The following CLIC5 variants were observed in gnomAD, a reference collection of about 807,000 sequenced individuals.
CLIC5 encodes the protein chloride intracellular channel protein 5.
Under a neutral mutation model 24.7 loss-of-function variants are expected in CLIC5, and 20 were observed. The ratio of observed to expected loss-of-function variants is 0.81; its 90% CI spans 0.57 to 1.18. The LOEUF is 1.18. Among genes scored for constraint, CLIC5 ranks in the 50% most tolerant of loss-of-function variants. The pLI is 0.00. For missense variants in CLIC5, 341 were observed against 326.1 expected, an observed-to-expected ratio of 1.05 and a Z score of -0.35; for synonymous variants, 159 against 135.6, an observed-to-expected ratio of 1.17 and a Z score of -1.20.
chr6:45,888,548 G>A (rs1228096223), intron 6 of CLIC5, among the ~76,000 whole-genome samples: 1 of 152,136 alleles, frequency 6.6e-6, no homozygotes, highest in Non-Finnish European at 1.5e-5. Flanking sequence ...TGCTTCAAAA[G>A]CCTAAAGATG....
rs528288740 is a variant in CLIC5 at position 46,040,594 on chromosome 6, G to A, written c.540+39109C>T. 3.3e-5 allele frequency among the ~76,000 whole-genome samples: 5 copies of A among 152,032 alleles called. No homozygotes were observed. In the East Asian group the frequency reaches 7.7e-4, roughly 23 times the overall value. On this transcript the variant is annotated intron_variant, in intron 1 of 5. Transcript: ENST00000185206. ...TGATGGTGGGGTGGTGGTGGTGTTC[G>A]TGAAGTTGATGATGGTGGTGGTGGA...
intron 1 of CLIC5, among the ~76,000 whole-genome samples, chr6:46,052,474 T>C (rs1236819679): frequency 6.6e-6 from 1 of 152,130 alleles, no homozygotes; most frequent in African/African-American, 2.4e-5. Flanking sequence ...AGAGAGAAGA[T>C]AGGTAGGAAA....
chr6:45,884,969 G>GTTTTGTTT (rs1762292414), intron 6 of CLIC5, among the ~76,000 whole-genome samples: 1 of 150,438 alleles, frequency 6.6e-6, no homozygotes, highest in African/African-American at 2.5e-5. Context: ...CAGGAAATAG[G>GTTTTGTTT]TTTTTTAAAA....
intron 1 of CLIC5, among the ~76,000 whole-genome samples, chr6:46,065,833 T>G (rs985318040): frequency 1.3e-5 from 2 of 152,052 alleles, no homozygotes; most frequent in African/African-American, 2.4e-5. Context: ...ATGATTATGG[T>G]GATGGTTAGA....
At chr6:46,039,128 T>C (rs1767739310) in intron 1 of CLIC5, among the ~76,000 whole-genome samples, 1 of 152,192 alleles carries the variant, frequency 6.6e-6, no homozygotes, top group African/African-American at 2.4e-5. Flanking sequence ...AACAAAACTC[T>C]CTGTTCTTAC....
chr6:45,936,196 CTT>C (rs60969238), intron 4 of CLIC5, among the ~76,000 whole-genome samples: 5,030 of 79,892 alleles, frequency 0.063, 95 homozygotes, highest in East Asian at 0.29. Context: ...CAACGGCTGA[CTT>C]TTTTTTTTTT....
intron 1 of CLIC5, among the ~76,000 whole-genome samples, chr6:46,065,214 A>G (rs928345049): frequency 6.6e-6 from 1 of 152,130 alleles, no homozygotes; most frequent in Non-Finnish European, 1.5e-5. Flanking sequence ...TAAAGCTACA[A>G]TTTAGTGAAA....
upstream of CLIC5, among the ~76,000 whole-genome samples, chr6:46,017,414 T>A (rs573540716): frequency 6.6e-6 from 1 of 152,226 alleles, no homozygotes; most frequent in South Asian, 2.1e-4. Flanking sequence ...AGTATAATGA[T>A]CCCAATTTTA....
intron 1 of CLIC5, among the ~76,000 whole-genome samples, chr6:45,994,257 T>G (rs2127426282): frequency 6.6e-6 from 1 of 152,278 alleles, no homozygotes; most frequent in Admixed American, 6.5e-5. Flanking sequence ...CCGTTGATGA[T>G]AGACTGGATA....
At chr6:45,973,686 C>G (rs1309872066) in intron 1 of CLIC5, among the ~76,000 whole-genome samples, 1 of 152,192 alleles carries the variant, frequency 6.6e-6, no homozygotes, top group Non-Finnish European at 1.5e-5. Flanking sequence ...TGCCTGTAAT[C>G]CCAGCACTTT....
At chr6:45,886,168 C>T (rs1031337258) in intron 6 of CLIC5, among the ~76,000 whole-genome samples, 12 of 152,084 alleles carry the variant, frequency 7.9e-5, no homozygotes, top group Non-Finnish European at 1.6e-4. Context: ...ATGGGTTGGT[C>T]GGTGGTCCCA....
At chr6:45,967,976 C>A (rs1034325601) in intron 1 of CLIC5, among the ~76,000 whole-genome samples, 2 of 152,142 alleles carry the variant, frequency 1.3e-5, no homozygotes, top group African/African-American at 4.8e-5. Flanking sequence ...TGAGATTTGG[C>A]GGGGACACAC....
intron 1 of CLIC5, among the ~76,000 whole-genome samples, chr6:45,959,211 ACT>A (rs1764768397): frequency 6.6e-6 from 1 of 151,846 alleles, no homozygotes; most frequent in African/African-American, 2.4e-5. Context: ...TAGTCTTAGA[ACT>A]CTTTTATGCT....
chr6:46,104,654 C>T, the CLIC5 span, among the ~76,000 whole-genome samples: 58 of 146,918 alleles, frequency 3.9e-4, no homozygotes, highest in Admixed American at 9.5e-4. Context: ...GAGGCAAAGA[C>T]TCCTATGTTT....
At chr6:45,974,520 TATAGAGAGAGAGAGAGAGAG>T (rs1280956153) in intron 1 of CLIC5, among the ~76,000 whole-genome samples, 1 of 66,974 alleles carries the variant, frequency 1.5e-5, no homozygotes, top group African/African-American at 6.5e-5. Context: ...TATATATATA[TATAGAGAGAGAGAGAGAGAG>T]AGAGAGAGAG....
At chr6:46,063,303 A>C (rs1407846934) in intron 1 of CLIC5, among the ~76,000 whole-genome samples, 2 of 152,234 alleles carry the variant, frequency 1.3e-5, no homozygotes. Context: ...AGTCAATTGC[A>C]ACAACCTCCA....
chr6:45,944,920 C>T (rs1430229847), intron 3 of CLIC5, among the ~76,000 whole-genome samples: 1 of 152,198 alleles, frequency 6.6e-6, no homozygotes, highest in African/African-American at 2.4e-5. Flanking sequence ...TTCCCACTTC[C>T]TTACTTCATC....
intron 1 of CLIC5, among the ~76,000 whole-genome samples, chr6:46,008,612 A>G (rs1235446119): frequency 6.6e-6 from 1 of 151,670 alleles, no homozygotes; most frequent in Admixed American, 6.6e-5. Flanking sequence ...ATTTTCATAT[A>G]TTGATTGATT....
chr6:46,017,736 T>A (rs1029156210), upstream of CLIC5, among the ~76,000 whole-genome samples: 1 of 152,200 alleles, frequency 6.6e-6, no homozygotes, highest in South Asian at 2.1e-4. Context: ...CTATTTACCA[T>A]GGTTGGGGTG....
Sources: allele counts gnomAD v4.1 joint callset (sites outside exome capture counted in the v4.1 genomes callset), GRCh38; gene constraint gnomAD v4.1.1; transcripts MANE v1.5; gene names NCBI Gene and HGNC (gene_info 2026-07-23, HGNC 2026-07-21).